HEATR5B: variants seen among roughly 807,000 people sequenced by gnomAD.
HEATR5B encodes the protein HEAT repeat-containing protein 5B.
HEATR5B carries 156 observed loss-of-function variants against 224.1 expected under a neutral mutation model. That is an observed-to-expected ratio of 0.70 (90% CI 0.61 to 0.80). The LOEUF (loss-of-function observed/expected upper bound fraction) is 0.80, where lower values mean the gene tolerates loss of function less well. HEATR5B is among the 30% of genes least tolerant of loss of function. The pLI, the probability that HEATR5B is intolerant of heterozygous loss-of-function variation, is 0.00. For missense variants in HEATR5B, 2,323 were observed against 2,535.5 expected (o/e 0.92, Z 1.80); for synonymous variants, 1,027 against 893.0 (o/e 1.15, Z -2.68).
In HEATR5B at chr2:37,007,080, T is replaced by A; in HGVS notation, c.4747A>T (p.Ile1583Phe). The A allele has an allele frequency of 1.2e-6, 2 of 1,614,160 alleles. No homozygotes were observed. Among genetic ancestry groups the A allele is most frequent in the Non-Finnish European group, 1.7e-6 (2 of 1,179,982 alleles). The part of the protein sequence containing the change: ...AVGSAKSLPE[I>F]NKDRMHLILG... ...ATCAGATGCATTCTGTCTTTGTTAA[T>A]TTCTGGCAAAGATTTAGCACTACCC... Residue 1583 changes from isoleucine (I) to phenylalanine (F), a missense_variant, in exon 29 of 36, where the codon ATT becomes TTT. Ile to Phe is a conservative substitution (Grantham distance 21, BLOSUM62 0). Transcript: ENST00000233099.
chr2:37,055,375 T>A (rs1335572734), intron 16 of HEATR5B, among the ~76,000 whole-genome samples: 2 of 152,146 alleles, frequency 1.3e-5, no homozygotes, highest in East Asian at 3.8e-4. Context: ...TAATCCTGGA[T>A]TTCAGTTATA....
rs749105336 is a variant in HEATR5B, at chr2:37,070,331, T to C, written c.826A>G (p.Thr276Ala). ...TFDEVLELMA[T>A]GFLRGGSGFL... is the part of the protein sequence containing the mutation. Reference sequence around the variant, plus strand: ...CCTGACCCTCCACGCAGAAATCCTGTGGCCATGAGTTCTAAGACTTCATCA... The same window carrying C: ...CCTGACCCTCCACGCAGAAATCCTGCGGCCATGAGTTCTAAGACTTCATCA... The change falls in exon 7 of 36, where the codon ACA becomes GCA. Residue 276 changes from threonine to alanine, a missense_variant. Thr to Ala is a moderately conservative substitution (Grantham distance 58). Transcript: ENST00000233099. 9.9e-6 allele frequency: 16 copies of C among 1,613,882 alleles called. No homozygotes were observed. Among genetic ancestry groups the C allele is most frequent in the Middle Eastern group, 1.6e-4 (1 of 6,084 alleles).
chr2:37,069,014 A>G lies in HEATR5B; in HGVS notation c.928-84T>C, dbSNP rs1034059119. ...GATAAAGCAACTACTAAAATAACTG[A>G]TAACAGCATGCTGAATGAATTGTAT... On this transcript the variant is annotated intron_variant, in intron 7 of 35. Coordinates refer to ENST00000233099, the MANE Select transcript of HEATR5B (RefSeq NM_019024.3). The G allele has an allele frequency of 9.0e-6, 12 of 1,334,142 alleles. No homozygotes were observed. The Admixed American group carries it at 1.4e-4, about 16-fold the overall frequency. The allele number at this position is 1,334,142 out of a possible 1,614,324, so 82.6% of individuals were successfully genotyped here. A position where few individuals can be genotyped will look rare whatever the true frequency, so the allele number is the denominator to read the frequency against.
intron 30 of HEATR5B, among the ~76,000 whole-genome samples, chr2:37,005,215 A>G (rs1009283042): frequency 4.6e-5 from 7 of 152,132 alleles, no homozygotes; most frequent in Non-Finnish European, 2.9e-5. Flanking sequence ...CGTATTTGCT[A>G]TTCTTTCTGA....
At chr2:37,032,583 A>C in intron 22 of HEATR5B, 46 bp downstream of exon 22, 1 of 1,508,084 alleles carries the variant, frequency 6.6e-7, no homozygotes, top group Middle Eastern at 1.7e-4. Context: ...ACTGAAATGT[A>C]AAAGTAGTTA....
intron 22 of HEATR5B, 118 bp from the exon 23 acceptor site, chr2:37,029,038 C>T (rs1668955500): frequency 2.1e-6 from 2 of 955,368 alleles, no homozygotes; most frequent in Middle Eastern, 2.4e-4. Context: ...AACCAGCTAG[C>T]TATATACAAT....
chr2:37,037,281 G>C (rs1437154003), intron 21 of HEATR5B, among the ~76,000 whole-genome samples: 2 of 151,152 alleles, frequency 1.3e-5, no homozygotes, highest in East Asian at 3.9e-4. Flanking sequence ...GAATAGCTGG[G>C]ACTACAGGTG....
intron 17 of HEATR5B, among the ~76,000 whole-genome samples, chr2:37,052,495 C>A (rs966552857): frequency 6.6e-6 from 1 of 152,196 alleles, no homozygotes; most frequent in African/African-American, 2.4e-5. Context: ...CTTTTTCCTT[C>A]TTCATGATTT....
chr2:36,997,843 G>A (rs1241842786), intron 33 of HEATR5B, among the ~76,000 whole-genome samples: 3 of 152,076 alleles, frequency 2.0e-5, no homozygotes, highest in Admixed American at 2.0e-4. Context: ...TGGGATTACA[G>A]GCGTGAGCCA....
intron 33 of HEATR5B, among the ~76,000 whole-genome samples, chr2:36,993,536 C>T (rs891885646): frequency 3.5e-4 from 52 of 147,232 alleles, no homozygotes; most frequent in Non-Finnish European, 1.5e-5. Context: ...GAGTGAGACT[C>T]TGTTTAAAAA....
chr2:37,004,823 C>A (rs966483993), intron 30 of HEATR5B, among the ~76,000 whole-genome samples: 2 of 152,102 alleles, frequency 1.3e-5, no homozygotes, highest in African/African-American at 4.8e-5. Flanking sequence ...AGCTTCCAAT[C>A]TTGGTCCTCT....
chr2:37,050,267 C>G (rs1349318341), intron 17 of HEATR5B, among the ~76,000 whole-genome samples: 6 of 152,142 alleles, frequency 3.9e-5, no homozygotes, highest in African/African-American at 1.4e-4. Flanking sequence ...TTTTCTTCAA[C>G]CAGTTTTCAC....
intron 33 of HEATR5B, among the ~76,000 whole-genome samples, chr2:36,999,897 A>C (rs1000840856): frequency 6.6e-6 from 1 of 151,494 alleles, no homozygotes; most frequent in African/African-American, 2.4e-5. Context: ...CTGTAATCCC[A>C]GCTACTCAGG....
chr2:37,018,020 G>T (rs1668229050), intron 26 of HEATR5B, among the ~76,000 whole-genome samples: 2 of 151,826 alleles, frequency 1.3e-5, no homozygotes. Flanking sequence ...TCTTAACATG[G>T]CATTTGTTCT....
In HEATR5B at chr2:37,041,580, T is replaced by TA. The variant is rs571001124; in HGVS notation, c.2697-289dup. ...GGCTAACATGGCAAAATCCCATTTCTAAAAAAAATTAAAAACTTAATCTGT... is the reference window on the plus strand; with the variant it reads ...GGCTAACATGGCAAAATCCCATTTCTAAAAAAAAATTAAAAACTTAATCTGT... On this transcript the variant is annotated intron_variant, in intron 18 of 35. Coordinates refer to ENST00000233099, the MANE Select transcript of HEATR5B (RefSeq NM_019024.3). Among the ~76,000 whole-genome samples, 16 of 151,868 alleles carry TA rather than the reference T, an allele frequency of 1.1e-4. No individual in the cohort carries two copies. The South Asian group carries it at 2.7e-3, about 26-fold the overall frequency.
chr2:36,985,247 C>T (rs1358172040), intron 35 of HEATR5B, among the ~76,000 whole-genome samples: 3 of 152,062 alleles, frequency 2.0e-5, no homozygotes, highest in African/African-American at 7.2e-5. Flanking sequence ...TGATGGTATC[C>T]TCCTAATGAG....
chr2:37,004,820 A>C (rs1228551470), intron 30 of HEATR5B, among the ~76,000 whole-genome samples: 1 of 151,930 alleles, frequency 6.6e-6, no homozygotes, highest in East Asian at 1.9e-4. Flanking sequence ...TCAAGCTTCC[A>C]ATCTTGGTCC....
At chr2:37,003,138 C>T (rs1174491586) in intron 31 of HEATR5B, among the ~76,000 whole-genome samples, 1 of 151,192 alleles carries the variant, frequency 6.6e-6, no homozygotes, top group African/African-American at 2.4e-5. Flanking sequence ...GTCTGTAAAC[C>T]CAGGTACTCT....
rs373687702 is a variant in HEATR5B at position 37,079,107 on chromosome 2, A to T, written c.338+13T>A. 5.3e-6 allele frequency: 8 copies of T among 1,512,312 alleles called. No homozygotes were observed. The African/African-American group carries it at 9.6e-5, about 18-fold the overall frequency. 93.7% of individuals were successfully genotyped at this position (1,512,312 alleles called of 1,614,324 possible). A position where few individuals can be genotyped will look rare whatever the true frequency, so the allele number is the denominator to read the frequency against. On this transcript the variant is annotated intron_variant, in intron 3 of 35. Coordinates refer to ENST00000233099, the MANE Select transcript of HEATR5B (RefSeq NM_019024.3). Reference sequence around the variant, plus strand: ...ATAAAACTTCAAGGGCCCCTATTAAAGTAAGTACTTACAATTTTGTTGGTA... The same window carrying T: ...ATAAAACTTCAAGGGCCCCTATTAATGTAAGTACTTACAATTTTGTTGGTA...
Sources: allele counts gnomAD v4.1 joint callset (sites outside exome capture counted in the v4.1 genomes callset), GRCh38; gene constraint gnomAD v4.1.1; transcripts MANE v1.5; gene names NCBI Gene and HGNC (gene_info 2026-07-23, HGNC 2026-07-21).